The following HNF1B variants were observed in gnomAD, a reference collection of about 807,000 sequenced individuals.
HNF1B encodes HNF1 homeobox B.
A neutral mutation model predicts 61.7 loss-of-function variants in HNF1B; 8 were observed. The ratio of observed to expected loss-of-function variants is 0.13; its 90% confidence interval spans 0.08 to 0.23. The LOEUF (loss-of-function observed/expected upper bound fraction) is 0.23. Among genes scored for constraint, HNF1B ranks in the 10% least tolerant of loss-of-function variants. The pLI is 1.00. For synonymous variants in HNF1B, 314 were observed against 287.7 expected (o/e 1.09, Z -0.93); for missense variants, 562 against 714.5 (o/e 0.79, Z 2.43).
intron 2 of HNF1B, among the ~76,000 whole-genome samples, chr17:37,734,100 T>C (rs1468024059): frequency 6.6e-6 from 1 of 152,180 alleles, no homozygotes; most frequent in Non-Finnish European, 1.5e-5. Context: ...TTTTTCCCCT[T>C]TGGCTCACTG....
rs781267364 is a variant in HNF1B, at chr17:37,710,564, T to C, written c.1145A>G (p.Gln382Arg). The C allele has an allele frequency of 4.3e-6, 7 of 1,614,096 alleles. No individual in the cohort carries two copies. The highest frequency in any genetic ancestry group is 5.9e-6 in the Non-Finnish European group (7 of 1,180,044). The stretch of plus-strand genomic sequence containing the variant: ...GTCCAGGCTGGCTGGGGAGACTTGC[T>C]GTAAAACCGACTGGCTGGTCACCAT... ...SAMVTSQSVL[Q>R]QVSPASLDPG... is the part of the protein sequence containing the mutation. The change falls in exon 5 of 9, where the codon CAG becomes CGG. Residue 382 changes from glutamine to arginine, a missense_variant. Coordinates refer to ENST00000617811, the MANE Select transcript of HNF1B (RefSeq NM_000458.4).
chr17:37,733,835 G>C lies in HNF1B; in HGVS notation c.545-14C>G. Reference sequence around the variant, plus strand: ...TCTGGTTGAATTCTGAAAAGAGAAAGGAGTAGATTTGATAGGGTCTGTAGC... The same window carrying C: ...TCTGGTTGAATTCTGAAAAGAGAAACGAGTAGATTTGATAGGGTCTGTAGC... On this transcript the variant is annotated splice_polypyrimidine_tract_variant and intron_variant, in intron 2 of 8. Transcript: ENST00000617811. The C allele has an allele frequency of 6.2e-7, 1 of 1,613,848 alleles. No individual in the cohort carries two copies. Among genetic ancestry groups the C allele is most frequent in the Non-Finnish European group, 8.5e-7 (1 of 1,180,002 alleles).
At chr17:37,695,763 A>G (rs1011706700) in intron 8 of HNF1B, among the ~76,000 whole-genome samples, 7 of 152,002 alleles carry the variant, frequency 4.6e-5, no homozygotes, top group African/African-American at 1.5e-4. Flanking sequence ...TGGCCAATTT[A>G]TTTCTTTTGG....
intron 3 of HNF1B, 102 bp from the exon 4 acceptor site, chr17:37,731,932 G>T: frequency 1.3e-6 from 1 of 786,092 alleles, no homozygotes; most frequent in Non-Finnish European, 2.1e-6. Context: ...TTGGGAGTAT[G>T]AAGGGGCCGT....
At chr17:37,710,711 C>T (rs189520630) in intron 4 of HNF1B, 48 bp from the exon 5 acceptor site, 1 of 1,583,440 alleles carries the variant, frequency 6.3e-7, no homozygotes, top group Non-Finnish European at 8.6e-7. Flanking sequence ...CCACCAGGGT[C>T]CTGGAACAAT....
chr17:37,687,195 G>T lies in HNF1B; in HGVS notation c.*177C>A. The T allele has an allele frequency of 3.1e-6, 3 of 965,432 alleles. No homozygotes were observed. Among genetic ancestry groups the T allele is most frequent in the Admixed American group, 3.9e-5 (2 of 50,658 alleles). The allele number at this position is 965,432 out of a possible 1,614,324, so 59.8% of individuals were successfully genotyped here. On this transcript the variant is annotated 3_prime_UTR_variant, in exon 9 of 9. Coordinates refer to ENST00000617811, the MANE Select transcript of HNF1B (RefSeq NM_000458.4). ...GCATAGAAGGGAAACTGGGCTTCGG[G>T]CTGCGCCTCCTGAGAGTGGATTGTC... is the stretch of plus-strand genomic sequence containing the variant.
intron 8 of HNF1B, among the ~76,000 whole-genome samples, chr17:37,694,313 TA>T (rs1416976746): frequency 6.6e-6 from 1 of 151,574 alleles, no homozygotes; most frequent in Non-Finnish European, 1.5e-5. Context: ...CCTGTAATCC[TA>T]GCTACTCAGG....
At chr17:37,715,236 TAAAG>T (rs933213050) in intron 4 of HNF1B, among the ~76,000 whole-genome samples, 1 of 152,152 alleles carries the variant, frequency 6.6e-6, no homozygotes, top group Non-Finnish European at 1.5e-5. Context: ...CTCTGCCTCT[TAAAG>T]AAAGAGATGA....
At chr17:37,692,062 T>C (rs1251935786) in intron 8 of HNF1B, among the ~76,000 whole-genome samples, 1 of 152,240 alleles carries the variant, frequency 6.6e-6, no homozygotes, top group African/African-American at 2.4e-5. Context: ...CGGGGCATTG[T>C]TGAACTCAGG....
chr17:37,723,174 C>T (rs532926745), intron 4 of HNF1B, among the ~76,000 whole-genome samples: 6 of 144,000 alleles, frequency 4.2e-5, no homozygotes, highest in Non-Finnish European at 7.5e-5. Flanking sequence ...CCCGTCTCTA[C>T]TAAAAAAAAA....
Position 37,705,068 on chromosome 17 carries a change from C to T in HNF1B, c.1207-19G>A. On this transcript the variant is annotated intron_variant, in intron 5 of 8. Coordinates refer to ENST00000617811, the MANE Select transcript of HNF1B (RefSeq NM_000458.4). ...CTGAGATCTGATGGAGAGAAAAAAACAAGAGAAACATGGGTGGACTTGGAC... is the reference window on the plus strand; with the variant it reads ...CTGAGATCTGATGGAGAGAAAAAAATAAGAGAAACATGGGTGGACTTGGAC... 1 of 1,610,408 alleles carries T rather than the reference C, an allele frequency of 6.2e-7. No homozygotes were observed. Among genetic ancestry groups the T allele is most frequent in the Non-Finnish European group, 8.5e-7 (1 of 1,177,796 alleles).
At chr17:37,691,611 T>C (rs2032207575) in intron 8 of HNF1B, among the ~76,000 whole-genome samples, 1 of 152,174 alleles carries the variant, frequency 6.6e-6, no homozygotes, top group Non-Finnish European at 1.5e-5. Flanking sequence ...TGAAGTATTT[T>C]ACAGGTCTTC....
At chr17:37,700,830 T>C (rs908929221) in intron 7 of HNF1B, among the ~76,000 whole-genome samples, 153 bp downstream of exon 7, 13 of 151,920 alleles carry the variant, frequency 8.6e-5, no homozygotes, top group African/African-American at 2.9e-4. Flanking sequence ...CACTCAAGAG[T>C]TATGCTTGAG....
chr17:37,709,863 A>C (rs1442436888), intron 5 of HNF1B, among the ~76,000 whole-genome samples: 2 of 152,160 alleles, frequency 1.3e-5, no homozygotes, highest in African/African-American at 4.8e-5. Context: ...CAGGCTACAC[A>C]GCTATTAAGA....
intron 8 of HNF1B, among the ~76,000 whole-genome samples, chr17:37,696,428 C>T (rs1251299893): frequency 6.6e-6 from 1 of 152,222 alleles, no homozygotes; most frequent in East Asian, 1.9e-4. Context: ...CAGAACGGGA[C>T]CCTGTCTCAA....
intron 4 of HNF1B, among the ~76,000 whole-genome samples, chr17:37,728,376 T>A (rs555493443): frequency 1.3e-5 from 2 of 151,076 alleles, no homozygotes; most frequent in African/African-American, 2.4e-5. Flanking sequence ...GCGTGATCTC[T>A]GCTCCCTGCA....
intron 8 of HNF1B, among the ~76,000 whole-genome samples, chr17:37,689,660 G>A (rs974729786): frequency 2.0e-5 from 3 of 152,210 alleles, no homozygotes; most frequent in African/African-American, 4.8e-5. Flanking sequence ...GAGAGACCGC[G>A]GGGCCCTCCG....
At chr17:37,715,573 T>C (rs1315559261) in intron 4 of HNF1B, among the ~76,000 whole-genome samples, 3 of 152,190 alleles carry the variant, frequency 2.0e-5, no homozygotes, top group Non-Finnish European at 4.4e-5. Flanking sequence ...TGTGTACATA[T>C]GCGCACCTCA....
chr17:37,732,175 C>A (rs1017739993), intron 3 of HNF1B, among the ~76,000 whole-genome samples: 2 of 152,156 alleles, frequency 1.3e-5, no homozygotes, highest in Non-Finnish European at 2.9e-5. Context: ...CCATTCTTCC[C>A]ACCACATAAA....
Sources: gnomAD v4.1 joint callset for allele counts (sites outside exome capture counted in the v4.1 genomes callset) on GRCh38, gnomAD v4.1.1 for gene constraint, MANE v1.5 for transcripts, NCBI Gene and HGNC (gene_info 2026-07-23, HGNC 2026-07-21) for gene names.